Variants in XPO7 observed in about 807,000 individuals in gnomAD.
The protein encoded by XPO7 is exportin 7.
XPO7 carries 21 observed loss-of-function variants against 144.3 expected under a neutral mutation model. The ratio of observed to expected loss-of-function variants is 0.15; its 90% CI spans 0.10 to 0.21. The LOEUF (loss-of-function observed/expected upper bound fraction) is 0.21, where lower values mean the gene tolerates loss of function less well. XPO7 is among the 10% of genes least tolerant of loss of function. The probability of loss-of-function intolerance (pLI) is 1.00; values close to 1 mark genes in which losing one functional copy is unlikely to be tolerated. For missense variants in XPO7, 808 were observed against 1,325.8 expected (o/e 0.61, Z 6.06); for synonymous variants, 580 against 499.6 (o/e 1.16, Z -2.15).
intron 3 of XPO7, 67 bp from the exon 4 acceptor site, chr8:21,970,077 A>G: frequency 1.3e-6 from 2 of 1,544,368 alleles, no homozygotes; most frequent in Non-Finnish European, 8.7e-7. Context: ...GTCTAAAGAT[A>G]TACACCCTTC....
intron 8 of XPO7, among the ~76,000 whole-genome samples, chr8:21,979,816 C>T (rs573687879): frequency 4.6e-5 from 7 of 152,060 alleles, no homozygotes; most frequent in Admixed American, 6.5e-5. Flanking sequence ...ATAAATTGCT[C>T]GATATTTTTA....
At chr8:21,925,746 G>A (rs1810438937) in intron 1 of XPO7, among the ~76,000 whole-genome samples, 1 of 152,178 alleles carries the variant, frequency 6.6e-6, no homozygotes, top group Non-Finnish European at 1.5e-5. Flanking sequence ...TTCTGGATGG[G>A]ATTTCCAGTT....
chr8:21,992,229 T>G (rs893658620), intron 19 of XPO7, among the ~76,000 whole-genome samples: 2 of 152,212 alleles, frequency 1.3e-5, no homozygotes, highest in Non-Finnish European at 2.9e-5. Context: ...TGTTTACAGT[T>G]TTCTTACTGC....
rs186930976 is a variant in XPO7, at chr8:21,951,016, T to C, written c.19-15841T>C. ...GGTAGTGCATGCCTGTAATCACAGC[T>C]ACCCAAGAGGCGGAGGCTGGGGTGA... On this transcript the variant is annotated intron_variant, in intron 1 of 27. Coordinates refer to ENST00000252512, the MANE Select transcript of XPO7 (RefSeq NM_015024.5). 1.8e-3 allele frequency among the ~76,000 whole-genome samples: 267 copies of C among 152,014 alleles called. 1 individual carries two copies. Among genetic ancestry groups the C allele is most frequent in the African/African-American group, 6.2e-3 (258 of 41,444 alleles).
chr8:22,003,092 AT>A, intron 25 of XPO7, 126 bp from the exon 26 acceptor site: 1 of 528,796 alleles, frequency 1.9e-6, no homozygotes. Context: ...TTCACAAACT[AT>A]TTGTCTGATT....
At chr8:21,937,163 A>G (rs1423146453) in intron 1 of XPO7, among the ~76,000 whole-genome samples, 1 of 152,228 alleles carries the variant, frequency 6.6e-6, no homozygotes, top group East Asian at 1.9e-4. Context: ...GTTTAGATTA[A>G]CGAGTAATTT....
chr8:21,980,976 T>C (rs1441522236), intron 9 of XPO7, among the ~76,000 whole-genome samples: 1 of 146,698 alleles, frequency 6.8e-6, no homozygotes, highest in Non-Finnish European at 1.5e-5. Flanking sequence ...ATCACTTCTC[T>C]ATACTAGAAG....
At chr8:22,003,808 C>G (rs1465017482) in intron 26 of XPO7, 95 bp from the exon 27 acceptor site, 2 of 1,554,560 alleles carry the variant, frequency 1.3e-6, no homozygotes, top group South Asian at 2.4e-5. Context: ...TCCATTCCTC[C>G]TTAGAGAAGA....
At chr8:21,946,039 A>T (rs893454099) in intron 1 of XPO7, among the ~76,000 whole-genome samples, 1 of 152,320 alleles carries the variant, frequency 6.6e-6, no homozygotes, top group East Asian at 1.9e-4. Context: ...ACTAGCAGAA[A>T]CAGGAAAATG....
At chr8:21,924,054 C>T (rs1472953709) in intron 1 of XPO7, among the ~76,000 whole-genome samples, 5 of 152,088 alleles carry the variant, frequency 3.3e-5, no homozygotes, top group Non-Finnish European at 7.4e-5. Context: ...GCTGGGGCTC[C>T]GGGCTGCAGT....
chr8:21,942,149 T>C (rs1361753884), intron 1 of XPO7, among the ~76,000 whole-genome samples: 1 of 152,220 alleles, frequency 6.6e-6, no homozygotes, highest in Non-Finnish European at 1.5e-5. Flanking sequence ...GTAAATAAGA[T>C]AAATTAGATC....
chr8:21,968,108 A>G (rs932581203), intron 2 of XPO7, among the ~76,000 whole-genome samples: 1 of 152,220 alleles, frequency 6.6e-6, no homozygotes, highest in African/African-American at 2.4e-5. Flanking sequence ...AAAGGCACAT[A>G]TATTAGCCAT....
At chr8:21,920,000 C>T (rs1421795905) in intron 1 of XPO7, among the ~76,000 whole-genome samples, 1 of 151,840 alleles carries the variant, frequency 6.6e-6, no homozygotes, top group African/African-American at 2.4e-5. Context: ...CACCCGGTCC[C>T]ACACCTCGCG....
At chr8:21,928,242 C>T (rs1244704987) in intron 1 of XPO7, among the ~76,000 whole-genome samples, 1 of 152,176 alleles carries the variant, frequency 6.6e-6, no homozygotes, top group African/African-American at 2.4e-5. Context: ...GAGATTGATT[C>T]TCATTGTTGC....
chr8:21,982,870 G>T, intron 11 of XPO7, 58 bp downstream of exon 11: 2 of 1,526,826 alleles, frequency 1.3e-6, no homozygotes, highest in Non-Finnish European at 1.8e-6. Context: ...ACACTTCCTA[G>T]AGATCAGACA....
intron 8 of XPO7, 110 bp from the exon 9 acceptor site, chr8:21,979,974 T>C (rs1812350392): frequency 4.8e-6 from 6 of 1,238,044 alleles, no homozygotes; most frequent in African/African-American, 3.1e-5. Context: ...TTTAAAATAA[T>C]GTTGCTTCAG....
intron 15 of XPO7, 66 bp downstream of exon 15, chr8:21,987,923 C>G (rs1179480960): frequency 3.9e-6 from 6 of 1,521,628 alleles, no homozygotes; most frequent in Admixed American, 1.8e-5. Context: ...AAAATGTGAT[C>G]TTGGCATTGT....
intron 1 of XPO7, among the ~76,000 whole-genome samples, chr8:21,953,283 C>A (rs533445435): frequency 4.6e-5 from 7 of 152,248 alleles, no homozygotes; most frequent in Admixed American, 6.5e-5. Flanking sequence ...TTTCTCCCCC[C>A]CTGCAAACTC....
chr8:22,005,148 A>G lies in XPO7; in HGVS notation c.*60A>G. The G allele has an allele frequency of 7.1e-7, 1 of 1,416,410 alleles. No homozygotes were observed. Among genetic ancestry groups the G allele is most frequent in the Non-Finnish European group, 9.7e-7 (1 of 1,028,708 alleles). The allele number at this position is 1,416,410 out of a possible 1,614,324, so 87.7% of individuals were successfully genotyped here. A position where few individuals can be genotyped will look rare whatever the true frequency, so the allele number is the denominator to read the frequency against. The stretch of plus-strand genomic sequence containing the variant: ...CCCTTTGGTTTGGCCCAGAGGGGCG[A>G]ACAATTGCAAGGGAGAGGGCCTGGC... On this transcript the variant is annotated 3_prime_UTR_variant, in exon 28 of 28. Coordinates refer to ENST00000252512, the MANE Select transcript of XPO7 (RefSeq NM_015024.5).
Sources: gnomAD v4.1 joint callset for allele counts (sites outside exome capture counted in the v4.1 genomes callset) on GRCh38, gnomAD v4.1.1 for gene constraint, MANE v1.5 for transcripts, NCBI Gene and HGNC (gene_info 2026-07-23, HGNC 2026-07-21) for gene names.